The following VDAC1 variants were observed in gnomAD, a reference collection of about 807,000 sequenced individuals.
The protein encoded by VDAC1 is non-selective voltage-gated ion channel VDAC1.
A neutral mutation model predicts 34.7 loss-of-function variants in VDAC1; 10 were observed. The ratio of observed to expected loss-of-function variants is 0.29; its 90% CI spans 0.18 to 0.49. VDAC1 has a LOEUF of 0.49. VDAC1 is among the 20% of genes least tolerant of loss of function. The pLI, the probability that VDAC1 is intolerant of heterozygous loss-of-function variation, is 0.99. For synonymous variants in VDAC1, 130 were observed against 136.0 expected (o/e 0.96, Z 0.30); for missense variants, 230 against 347.9 (o/e 0.66, Z 2.69).
At chr5:134,009,881 A>G, upstream of VDAC1, among the ~76,000 whole-genome samples, 2 of 152,060 alleles carry the variant, frequency 1.3e-5, no homozygotes, top group Middle Eastern at 3.4e-3. Flanking sequence ...TGGTTTTGCC[A>G]CGTTGGCCAG....
chr5:134,090,652 G>A, the VDAC1 span, among the ~76,000 whole-genome samples: 4 of 152,134 alleles, frequency 2.6e-5, no homozygotes, highest in African/African-American at 7.2e-5. Context: ...GCTCAAGGTC[G>A]CAGCCCTTGG....
the VDAC1 span, among the ~76,000 whole-genome samples, chr5:134,011,336 T>A: frequency 6.6e-6 from 1 of 152,142 alleles, no homozygotes; most frequent in African/African-American, 2.4e-5. Context: ...TTTGTTTTTT[T>A]GCTTGTTGAA....
chr5:134,048,595 C>T, the VDAC1 span, among the ~76,000 whole-genome samples: 7 of 152,236 alleles, frequency 4.6e-5, no homozygotes, highest in East Asian at 9.7e-4. Context: ...TGTATAGAAA[C>T]TTCATTACTA....
the VDAC1 span, among the ~76,000 whole-genome samples, chr5:134,088,888 G>T: frequency 6.6e-6 from 1 of 152,182 alleles, no homozygotes; most frequent in Non-Finnish European, 1.5e-5. Context: ...AACTTCATAC[G>T]AATGGACTCA....
At chr5:134,078,323 G>A in the VDAC1 span, among the ~76,000 whole-genome samples, 2 of 152,112 alleles carry the variant, frequency 1.3e-5, no homozygotes, top group African/African-American at 2.4e-5. Context: ...GGGCAGGACA[G>A]GGGGGAGGCG....
At chr5:133,998,349 A>G (rs1753414421) in intron 1 of VDAC1, among the ~76,000 whole-genome samples, 1 of 151,962 alleles carries the variant, frequency 6.6e-6, no homozygotes, top group Non-Finnish European at 1.5e-5. Flanking sequence ...TGTGTATACT[A>G]ATAATTTGTT....
intron 8 of VDAC1, among the ~76,000 whole-genome samples, chr5:133,973,394 G>A (rs1752370203): frequency 6.6e-6 from 1 of 152,176 alleles, no homozygotes; most frequent in East Asian, 1.9e-4. Flanking sequence ...AATACGCCGT[G>A]GACTGGCCTA....
At chr5:134,023,023 G>A in the VDAC1 span, among the ~76,000 whole-genome samples, 10 of 152,108 alleles carry the variant, frequency 6.6e-5, no homozygotes, top group South Asian at 2.1e-4. Context: ...ACACAGGCAC[G>A]CATATGTTTA....
chr5:133,991,918 C>T (rs1753117484), intron 3 of VDAC1, among the ~76,000 whole-genome samples: 1 of 152,128 alleles, frequency 6.6e-6, no homozygotes, highest in Non-Finnish European at 1.5e-5. Context: ...TGCACATGTA[C>T]ACCCTGAATC....
chr5:134,102,340 C>G, the VDAC1 span, among the ~76,000 whole-genome samples: 1 of 147,124 alleles, frequency 6.8e-6, no homozygotes, highest in Non-Finnish European at 1.5e-5. Flanking sequence ...CTCTACCCCC[C>G]CCACCCCAAA....
chr5:133,988,218 C>T (rs1392852512), intron 5 of VDAC1, among the ~76,000 whole-genome samples: 3 of 151,990 alleles, frequency 2.0e-5, no homozygotes, highest in Non-Finnish European at 4.4e-5. Context: ...GTGAAGAACA[C>T]AGGAGAACTC....
the VDAC1 span, among the ~76,000 whole-genome samples, chr5:134,070,499 A>G: frequency 2.2e-4 from 33 of 152,184 alleles, no homozygotes; most frequent in African/African-American, 7.2e-4. Context: ...ATTATGGCGT[A>G]GAGTATTAAA....
intron 1 of VDAC1, among the ~76,000 whole-genome samples, chr5:134,000,488 A>G (rs1442069481): frequency 6.6e-6 from 1 of 152,180 alleles, no homozygotes; most frequent in Non-Finnish European, 1.5e-5. Flanking sequence ...GATCCCAGGC[A>G]TACCTGGGGC....
chr5:134,041,571 C>T, the VDAC1 span, among the ~76,000 whole-genome samples: 1 of 152,180 alleles, frequency 6.6e-6, no homozygotes, highest in Non-Finnish European at 1.5e-5. Context: ...TCTGTAATGC[C>T]CCCTCCCCAC....
the VDAC1 span, among the ~76,000 whole-genome samples, chr5:134,010,364 G>T: frequency 1.3e-5 from 2 of 152,124 alleles, no homozygotes; most frequent in Admixed American, 6.5e-5. Flanking sequence ...TTGGGAGGCT[G>T]AGGCGGGCAG....
At chr5:134,091,351 T>C in the VDAC1 span, among the ~76,000 whole-genome samples, 1 of 152,164 alleles carries the variant, frequency 6.6e-6, no homozygotes, top group Non-Finnish European at 1.5e-5. Context: ...ACATTCCAGG[T>C]TTTCCCCCTA....
At chr5:134,056,159 T>A in the VDAC1 span, among the ~76,000 whole-genome samples, 2 of 149,920 alleles carry the variant, frequency 1.3e-5, no homozygotes, top group Non-Finnish European at 3.0e-5. Flanking sequence ...GTGAATTGCT[T>A]GAACCGGGGA....
the VDAC1 span, among the ~76,000 whole-genome samples, chr5:134,102,056 G>A: frequency 1.3e-5 from 2 of 152,236 alleles, no homozygotes; most frequent in Admixed American, 6.5e-5. Context: ...CAGCTGTGAT[G>A]GGAGGCACAG....
chr5:133,976,614 C>T (rs1339778164), intron 6 of VDAC1, among the ~76,000 whole-genome samples: 2 of 150,410 alleles, frequency 1.3e-5, no homozygotes, highest in African/African-American at 2.4e-5. Context: ...CAGGATATAG[C>T]TTGGGCAACA....
Sources: gnomAD v4.1 joint callset for allele counts (sites outside exome capture counted in the v4.1 genomes callset) on GRCh38, gnomAD v4.1.1 for gene constraint, MANE v1.5 for transcripts, NCBI Gene and HGNC (gene_info 2026-07-23, HGNC 2026-07-21) for gene names.